The following SYCP2 variants were observed in gnomAD, a reference collection of about 807,000 sequenced individuals.
SYCP2 encodes the protein synaptonemal complex protein 2.
A neutral mutation model predicts 211.3 loss-of-function variants in SYCP2; 55 were observed. The ratio of observed to expected loss-of-function variants is 0.26; its 90% CI spans 0.21 to 0.33. The LOEUF is 0.33. Ranked by LOEUF, SYCP2 falls within the 10% of genes least tolerant of loss-of-function variation. The pLI, the probability that SYCP2 is intolerant of heterozygous loss-of-function variation, is 1.00. For missense variants in SYCP2, 1,731 were observed against 1,752.0 expected, an observed-to-expected ratio of 0.99 and a Z score of 0.21; for synonymous variants, 570 against 555.2, an observed-to-expected ratio of 1.03 and a Z score of -0.37.
intron 24 of SYCP2, among the ~76,000 whole-genome samples, chr20:59,889,986 G>A (rs1023518940): frequency 1.3e-5 from 2 of 151,968 alleles, no homozygotes; most frequent in African/African-American, 4.8e-5. Context: ...CGTTGTGGAA[G>A]ACAGTGATTC....
intron 15 of SYCP2, among the ~76,000 whole-genome samples, chr20:59,904,976 AT>A (rs1294192869): frequency 2.0e-5 from 3 of 152,204 alleles, no homozygotes; most frequent in Non-Finnish European, 2.9e-5. Flanking sequence ...AGAAGAAAAA[AT>A]AATCCCCTTC....
Position 59,887,322 on chromosome 20 carries a change from T to C in SYCP2, c.2365-488A>G, listed in dbSNP as rs184692361. 5.4e-3 allele frequency among the ~76,000 whole-genome samples: 826 copies of C among 152,308 alleles called. 5 individuals carry two copies. The highest frequency in any genetic ancestry group is 9.0e-3 in the Non-Finnish European group (615 of 68,028). On this transcript the variant is annotated intron_variant, in intron 24 of 44. Coordinates refer to ENST00000357552, the MANE Select transcript of SYCP2 (RefSeq NM_014258.4). ...TTCATCCATGTCCCTACAAAGGACA[T>C]GAACTCATCCTTTTTTATGACTGCA...
In SYCP2 at chr20:59,867,843, A is replaced by C; in HGVS notation, c.3993T>G (p.Ser1331=). The change falls in exon 39 of 45, where the codon TCT becomes TCG. Residue 1331 remains serine (S), a synonymous_variant. Transcript: ENST00000357552. The part of the protein sequence containing the change: ...EDADHHIHKM[S]ESVSSLSTND... ...TTGTTGATAATGAAGATACACTTTC[A>C]GACACTAAAAAATGAAAACAATCTG... The C allele has an allele frequency of 1.9e-6, 3 of 1,599,568 alleles. No individual in the cohort carries two copies. In the South Asian group the frequency reaches 3.4e-5, roughly 18 times the overall value.
At chr20:59,885,403 G>A (rs534421112) in intron 26 of SYCP2, among the ~76,000 whole-genome samples, 5 of 152,210 alleles carry the variant, frequency 3.3e-5, no homozygotes, top group South Asian at 2.1e-4. Context: ...AATCAGAACC[G>A]AAACTGGGCT....
chr20:59,899,067 C>T (rs1295060155), intron 18 of SYCP2, among the ~76,000 whole-genome samples: 1 of 151,942 alleles, frequency 6.6e-6, no homozygotes, highest in Non-Finnish European at 1.5e-5. Context: ...TAAGGAAAAT[C>T]GCTGATTTTT....
At position 59,878,097 on chromosome 20, in the gene SYCP2, T is replaced by C. The variant is rs562391596; in HGVS notation, c.2942-52A>G. ...TTTTCACAGTAAATAAGAATAGGCA[T>C]TAAATTTATTAGAACATCATTTCAG... On this transcript the variant is annotated intron_variant, in intron 31 of 44. Transcript: ENST00000357552. The C allele has an allele frequency of 5.3e-6, 6 of 1,137,864 alleles. No individual in the cohort carries two copies. In the East Asian group the frequency reaches 1.4e-4, roughly 27 times the overall value. 70.5% of individuals were successfully genotyped at this position (1,137,864 alleles called of 1,614,324 possible). A position where few individuals can be genotyped will look rare whatever the true frequency, so the allele number is the denominator to read the frequency against.
intron 18 of SYCP2, among the ~76,000 whole-genome samples, chr20:59,899,202 C>A (rs1289798423): frequency 6.6e-6 from 1 of 151,982 alleles, no homozygotes; most frequent in East Asian, 1.9e-4. Context: ...GACACAGATA[C>A]TATGAAAGAA....
intron 35 of SYCP2, 68 bp from the exon 36 acceptor site, chr20:59,870,051 A>C: frequency 1.9e-6 from 2 of 1,050,638 alleles, no homozygotes; most frequent in Non-Finnish European, 2.6e-6. Flanking sequence ...CCACTTCAAA[A>C]AGAGTTGAAC....
intron 15 of SYCP2, among the ~76,000 whole-genome samples, chr20:59,903,481 G>A (rs927290863): frequency 6.6e-6 from 1 of 152,046 alleles, no homozygotes; most frequent in Non-Finnish European, 1.5e-5. Context: ...TTGATATACT[G>A]AGAGAAAAGA....
At chr20:59,881,175 TCA>T in intron 29 of SYCP2, 152 bp from the exon 30 acceptor site, 1 of 565,574 alleles carries the variant, frequency 1.8e-6, no homozygotes, top group Non-Finnish European at 3.1e-6. Flanking sequence ...CTCTCTGACC[TCA>T]GTTATAAAAT....
Position 59,914,006 on chromosome 20 carries a change from G to C in SYCP2, c.799C>G (p.Leu267Val). ...TTGTCTCCAAGCATGCCATTTACAA[G>C]GTTGAGAAATATCCTGCAATCCTAA... Reference protein sequence around the residue: ...FETDCRIFLNLVNGMLGDKRR... With the variant: ...FETDCRIFLNVVNGMLGDKRR... Residue 267 changes from leucine to valine, a missense_variant, in exon 12 of 45, where the codon CTT (leucine) becomes GTT (valine). Coordinates refer to ENST00000357552, the MANE Select transcript of SYCP2 (RefSeq NM_014258.4). 6.9e-6 allele frequency: 11 copies of C among 1,598,796 alleles called. No homozygotes were observed. The highest frequency in any genetic ancestry group is 9.4e-6 in the Non-Finnish European group (11 of 1,173,326).
chr20:59,911,720 A>G (rs774866453), intron 14 of SYCP2, 30 bp downstream of exon 14: 2 of 1,150,806 alleles, frequency 1.7e-6, no homozygotes, highest in East Asian at 2.5e-5. Context: ...GCATATACAT[A>G]AAGAATAATA....
At chr20:59,889,818 G>C (rs1343550100) in intron 24 of SYCP2, among the ~76,000 whole-genome samples, 2 of 152,132 alleles carry the variant, frequency 1.3e-5, no homozygotes, top group Admixed American at 1.3e-4. Flanking sequence ...CCAATAAGTA[G>C]AAAGACAGTA....
chr20:59,882,518 T>C (rs1467579903), intron 26 of SYCP2, among the ~76,000 whole-genome samples: 3 of 152,168 alleles, frequency 2.0e-5, no homozygotes, highest in South Asian at 2.1e-4. Flanking sequence ...TGCAGCATTA[T>C]TGAAACCTAA....
chr20:59,892,375 G>T lies in SYCP2; in HGVS notation c.1979C>A (p.Ser660Tyr). 6.3e-7 allele frequency: 1 copy of T among 1,575,772 alleles called. No homozygotes were observed. ...LTKQKSSSSI[S>Y]DHNSEGTGKV... ...TCCTGTTCCTTCAGAATTATGATCA[G>T]ATATTGAAGAGGATGATTTTTGTTT... The change falls in exon 24 of 45, where the codon TCT (serine) becomes TAT (tyrosine). Residue 660 changes from serine to tyrosine, a missense_variant. By Grantham distance (144) the Ser-to-Tyr change is moderately radical. Around this residue, in one of 3 missense-constraint regions of SYCP2, gnomAD observed 1,387 missense variants for 1,351.3 expected, o/e 1.03. Transcript: ENST00000357552.
intron 7 of SYCP2, among the ~76,000 whole-genome samples, chr20:59,917,228 T>C (rs900557811): frequency 2.6e-5 from 4 of 152,154 alleles, no homozygotes; most frequent in African/African-American, 7.2e-5. Flanking sequence ...TAGTTATACA[T>C]CAAAAATTTT....
At position 59,900,298 on chromosome 20, in the gene SYCP2, T is replaced by G; in HGVS notation, c.1258-14A>C. 6.4e-7 allele frequency: 1 copy of G among 1,568,152 alleles called. No homozygotes were observed. Among genetic ancestry groups the G allele is most frequent in the Non-Finnish European group, 8.6e-7 (1 of 1,164,252 alleles). On this transcript the variant is annotated splice_polypyrimidine_tract_variant and intron_variant, in intron 17 of 44. Transcript: ENST00000357552. ...TGGCACTAGAATCTGTTGGAGAATATGAAAAAAAAAGTATTTAAAACTGCA... is the reference window on the plus strand; with the variant it reads ...TGGCACTAGAATCTGTTGGAGAATAGGAAAAAAAAAGTATTTAAAACTGCA...
rs78075995 is a variant in SYCP2 at position 59,870,506 on chromosome 20, A to G, written c.3556-523T>C. 1.4e-4 allele frequency among the ~76,000 whole-genome samples: 21 copies of G among 152,008 alleles called. No homozygotes were observed. The East Asian group carries it at 3.9e-3, about 28-fold the overall frequency. ...CTTAAGAATTAATCTAACAAGATGCATAATTTCCTTTGTAGGAGACTTCAC... is the reference window on the plus strand; with the variant it reads ...CTTAAGAATTAATCTAACAAGATGCGTAATTTCCTTTGTAGGAGACTTCAC... On this transcript the variant is annotated intron_variant, in intron 35 of 44. Transcript: ENST00000357552.
rs755362900 is a variant in SYCP2 at position 59,886,849 on chromosome 20, A to C, written c.2365-15T>G. The C allele has an allele frequency of 6.4e-7, 1 of 1,558,026 alleles. No individual in the cohort carries two copies. The highest frequency in any genetic ancestry group is 2.1e-5 in the Admixed American group (1 of 47,678). On this transcript the variant is annotated splice_polypyrimidine_tract_variant and intron_variant, in intron 24 of 44. Coordinates refer to ENST00000357552, the MANE Select transcript of SYCP2 (RefSeq NM_014258.4). Reference sequence around the variant, plus strand: ...GACTTTTCTCTCTGAAAAAAATTGTAAGTTACTTTTAAACTCTACCAGTTA... The same window carrying C: ...GACTTTTCTCTCTGAAAAAAATTGTCAGTTACTTTTAAACTCTACCAGTTA...
Sources: allele counts gnomAD v4.1 joint callset (sites outside exome capture counted in the v4.1 genomes callset), GRCh38; gene constraint gnomAD v4.1.1; regional missense constraint gnomAD v4.1.1; transcripts MANE v1.5; gene names NCBI Gene and HGNC (gene_info 2026-07-23, HGNC 2026-07-21).